The following FSHR variants were observed in gnomAD, a reference collection of about 807,000 sequenced individuals.
The protein encoded by FSHR is follicle stimulating hormone receptor.
In FSHR, 46 loss-of-function variants were observed where a neutral mutation model predicts 52.1. The ratio of observed to expected loss-of-function variants is 0.88; its 90% CI spans 0.70 to 1.13. FSHR has a LOEUF of 1.13. Among genes scored for constraint, FSHR ranks in the 50% most tolerant of loss-of-function variants. The pLI is 0.00. For synonymous variants in FSHR, 399 were observed against 309.6 expected, an observed-to-expected ratio of 1.29 and a Z score of -3.03; for missense variants, 964 against 834.6, an observed-to-expected ratio of 1.16 and a Z score of -1.91.
At chr2:49,055,421 T>C (rs1201940873) in intron 2 of FSHR, among the ~76,000 whole-genome samples, 3 of 150,688 alleles carry the variant, frequency 2.0e-5, no homozygotes, top group African/African-American at 7.3e-5. Context: ...ATTATAGGAA[T>C]TTCAGAAGGA....
chr2:48,974,344 C>T (rs528608403), intron 8 of FSHR, among the ~76,000 whole-genome samples: 5 of 152,150 alleles, frequency 3.3e-5, no homozygotes, highest in African/African-American at 1.2e-4. Flanking sequence ...AACTTCATTG[C>T]CTTTCCGTTG....
At chr2:49,065,781 C>A (rs1669481453) in intron 2 of FSHR, among the ~76,000 whole-genome samples, 1 of 151,902 alleles carries the variant, frequency 6.6e-6, no homozygotes, top group African/African-American at 2.4e-5. Context: ...AAAAATAGAA[C>A]CCTAGAATAC....
intron 1 of FSHR, among the ~76,000 whole-genome samples, chr2:49,070,834 G>T (rs192772217): frequency 6.6e-6 from 1 of 152,242 alleles, no homozygotes; most frequent in African/African-American, 2.4e-5. Context: ...TTACCCAGAA[G>T]TCTTCTATAA....
At chr2:49,081,776 C>T in intron 1 of FSHR, among the ~76,000 whole-genome samples, 1 of 152,154 alleles carries the variant, frequency 6.6e-6, no homozygotes, top group East Asian at 1.9e-4. Flanking sequence ...TTCTCTTAAA[C>T]TCTGTCTCTG....
chr2:48,996,758 C>G (rs907726723), intron 4 of FSHR, among the ~76,000 whole-genome samples: 2 of 152,110 alleles, frequency 1.3e-5, no homozygotes, highest in African/African-American at 2.4e-5. Flanking sequence ...AAATTTTTGT[C>G]TTTCTGCAAA....
Position 48,985,697 on chromosome 2 carries a change from G to GTTTTTTTTTTTTTTTTTTTTTTTTTT in FSHR, c.525-2557_525-2532dup, listed in dbSNP as rs70946839. Reference sequence around the variant, plus strand: ...TTCAGTTTCAGGGGAGCAAGTACAGGTTTTTTTTTTTTTTTTTTTTTTTTT... The same window carrying GTTTTTTTTTTTTTTTTTTTTTTTTTT: ...TTCAGTTTCAGGGGAGCAAGTACAGGTTTTTTTTTTTTTTTTTTTTTTTTTTTTTTTTTTTTTTTTTTTTTTTTTTT... On this transcript the variant is annotated intron_variant, in intron 6 of 9. Transcript: ENST00000406846. 3.0e-5 allele frequency among the ~76,000 whole-genome samples: 3 copies of GTTTTTTTTTTTTTTTTTTTTTTTTTT among 99,540 alleles called. 1 individual carries two copies. Among genetic ancestry groups the GTTTTTTTTTTTTTTTTTTTTTTTTTT allele is most frequent in the Admixed American group, 1.2e-4 (1 of 8,400 alleles). 65.3% of individuals were successfully genotyped at this position (99,540 alleles called of 152,430 possible). A position where few individuals can be genotyped will look rare whatever the true frequency, so the allele number is the denominator to read the frequency against.
chr2:49,132,325 G>A (rs1672308422), intron 1 of FSHR, among the ~76,000 whole-genome samples: 2 of 152,084 alleles, frequency 1.3e-5, no homozygotes, highest in South Asian at 2.1e-4. Context: ...AAATACTCAG[G>A]GAAAAGGTCA....
At chr2:49,126,277 G>T (rs1270013883) in intron 1 of FSHR, among the ~76,000 whole-genome samples, 1 of 151,756 alleles carries the variant, frequency 6.6e-6, no homozygotes, top group Non-Finnish European at 1.5e-5. Context: ...CCATGGGGGA[G>T]GGTGGAAAGG....
At chr2:49,047,704 G>C (rs1311151698) in intron 2 of FSHR, among the ~76,000 whole-genome samples, 1 of 152,152 alleles carries the variant, frequency 6.6e-6, no homozygotes, top group Admixed American at 6.5e-5. Flanking sequence ...TAGACTTTTG[G>C]TGTCAATAAG....
At chr2:49,147,572 C>T (rs1672914433) in intron 1 of FSHR, among the ~76,000 whole-genome samples, 2 of 152,042 alleles carry the variant, frequency 1.3e-5, no homozygotes, top group African/African-American at 2.4e-5. Context: ...TATCAAACCC[C>T]TACTCTTCAA....
intron 1 of FSHR, among the ~76,000 whole-genome samples, chr2:49,097,932 ACT>A (rs1670886768): frequency 6.7e-6 from 1 of 149,780 alleles, no homozygotes; most frequent in South Asian, 2.2e-4. Context: ...ATAAATTTAT[ACT>A]CTCTGCCCAA....
At chr2:48,986,106 T>C (rs1338028551) in intron 6 of FSHR, among the ~76,000 whole-genome samples, 4 of 152,302 alleles carry the variant, frequency 2.6e-5, no homozygotes, top group East Asian at 1.9e-4. Context: ...TAGTACCCAA[T>C]AGATATTTTT....
chr2:49,120,803 C>T (rs1165353210), intron 1 of FSHR, among the ~76,000 whole-genome samples: 2 of 152,354 alleles, frequency 1.3e-5, no homozygotes, highest in Admixed American at 1.3e-4. Flanking sequence ...ATTTGCTGAC[C>T]TGTAGTAGAT....
chr2:49,115,076 G>T (rs1250576344), intron 1 of FSHR, among the ~76,000 whole-genome samples: 1 of 150,402 alleles, frequency 6.6e-6, no homozygotes, highest in Non-Finnish European at 1.5e-5. Context: ...ATGGAAAGGA[G>T]CTGGCTCACT....
chr2:49,011,490 A>G (rs893314149), intron 4 of FSHR, among the ~76,000 whole-genome samples: 3 of 152,258 alleles, frequency 2.0e-5, no homozygotes, highest in East Asian at 3.9e-4. Flanking sequence ...TGGTGCTGAA[A>G]AAAATATATA....
At chr2:49,112,072 G>A (rs1387298268) in intron 1 of FSHR, among the ~76,000 whole-genome samples, 1 of 152,104 alleles carries the variant, frequency 6.6e-6, no homozygotes, top group Non-Finnish European at 1.5e-5. Context: ...TCACCTCATG[G>A]TGTCACTTCT....
At chr2:49,047,466 C>T (rs954685527) in intron 2 of FSHR, among the ~76,000 whole-genome samples, 3 of 152,208 alleles carry the variant, frequency 2.0e-5, no homozygotes, top group African/African-American at 4.8e-5. Context: ...ACAGCACGAT[C>T]ACCCTGCTCT....
intron 1 of FSHR, among the ~76,000 whole-genome samples, chr2:49,127,770 T>C (rs1489498253): frequency 1.5e-4 from 6 of 39,008 alleles, no homozygotes; most frequent in South Asian, 1.2e-3. Flanking sequence ...CTTCTTCTTC[T>C]TCTTCTTCTT....
intron 6 of FSHR, 147 bp downstream of exon 6, chr2:48,988,825 TAAAGA>T: frequency 1.5e-6 from 1 of 688,662 alleles, no homozygotes; most frequent in Non-Finnish European, 2.6e-6. Context: ...TTCTGAAATG[TAAAGA>T]TGAGAGAGGA....
Sources: gnomAD v4.1 joint callset for allele counts (sites outside exome capture counted in the v4.1 genomes callset) on GRCh38, gnomAD v4.1.1 for gene constraint, MANE v1.5 for transcripts, NCBI Gene and HGNC (gene_info 2026-07-23, HGNC 2026-07-21) for gene names.